The following CLCN7 variants were observed in gnomAD, a reference collection of about 807,000 sequenced individuals.
CLCN7 encodes H(+)/Cl(-) exchange transporter 7.
Under a neutral mutation model 102.1 loss-of-function variants are expected in CLCN7, and 60 were observed. The observed-to-expected ratio is 0.59, with a 90% CI of 0.48 to 0.73. The LOEUF (loss-of-function observed/expected upper bound fraction) is 0.73, where lower values mean the gene tolerates loss of function less well. CLCN7 is among the 30% of genes least tolerant of loss of function. CLCN7 has a pLI of 0.00. For synonymous variants in CLCN7, 560 were observed against 490.5 expected (o/e 1.14, Z -1.87); for missense variants, 962 against 1,125.7 (o/e 0.85, Z 2.08).
At position 1,450,617 on chromosome 16, in the gene CLCN7, G is replaced by C; in HGVS notation, c.1497C>G (p.Phe499Leu). Residue 499 changes from phenylalanine (F) to leucine (L), a missense_variant, in exon 17 of 25, where the codon TTC (phenylalanine) becomes TTG (leucine). Transcript: ENST00000382745. ...TLGLFTLVYF[F>L]LACWTYGLTV... ...TGAGCCCGTAGGTCCAGCAGGCCAGGAAGAAGTAGACCAGCGTGAACAGGC... is the reference window on the plus strand; with the variant it reads ...TGAGCCCGTAGGTCCAGCAGGCCAGCAAGAAGTAGACCAGCGTGAACAGGC... 1.2e-6 allele frequency: 2 copies of C among 1,612,734 alleles called. No individual in the cohort carries two copies. The highest frequency in any genetic ancestry group is 1.7e-6 in the Non-Finnish European group (2 of 1,179,788).
chr16:1,462,665 C>CAAAAAAAAAAAAAAAAAAAAAAAAAAA (rs67969666), intron 2 of CLCN7, among the ~76,000 whole-genome samples: 1 of 36,178 alleles, frequency 2.8e-5, no homozygotes, highest in African/African-American at 7.9e-5. Context: ...AAAAAAAAGC[C>CAAAAAAAAAAAAAAAAAAAAAAAAAAA]AAAAAAAAAA....
intron 1 of CLCN7, among the ~76,000 whole-genome samples, chr16:1,467,410 G>A (rs1052462446): frequency 1.3e-5 from 2 of 152,142 alleles, no homozygotes; most frequent in Admixed American, 6.5e-5. Context: ...CCTGCCACAC[G>A]GGCTGACGGT....
At position 1,448,977 on chromosome 16, in the gene CLCN7, C is replaced by A; in HGVS notation, c.1786G>T (p.Val596Phe). The A allele has an allele frequency of 6.2e-7, 1 of 1,612,636 alleles. No homozygotes were observed. Among genetic ancestry groups the A allele is most frequent in the Non-Finnish European group, 8.5e-7 (1 of 1,180,002 alleles). Residue 596 changes from valine to phenylalanine, a missense_variant, in exon 19 of 25, where the codon GTC becomes TTC. This residue lies in a region of CLCN7 where 799 missense variants were observed against 988.0 expected (regional missense o/e 0.81). Coordinates refer to ENST00000382745, the MANE Select transcript of CLCN7 (RefSeq NM_001287.6). ...VLMTAKIVGD[V>F]FIEGLYDMHI... ...AGGCCCTGGCGCACCTCAATGAAGA[C>A]GTCGCCCACGATCTTGGCGGTCATG... is the stretch of plus-strand genomic sequence containing the variant.
chr16:1,459,947 A>G (rs34098900), intron 6 of CLCN7, among the ~76,000 whole-genome samples: 2 of 114,510 alleles, frequency 1.7e-5, no homozygotes, highest in Non-Finnish European at 3.8e-5. Flanking sequence ...AGGGGAGAGC[A>G]GCACACACTT....
chr16:1,455,389 G>A, intron 11 of CLCN7, 139 bp from the exon 12 acceptor site: 1 of 759,528 alleles, frequency 1.3e-6, no homozygotes. Context: ...GAAGGGAAGG[G>A]GCTGGAGCCA....
At chr16:1,450,739 G>GA in intron 16 of CLCN7, 73 bp from the exon 17 acceptor site, 3 of 1,314,796 alleles carry the variant, frequency 2.3e-6, no homozygotes, top group Admixed American at 2.5e-5. Context: ...CCGCTGCCCA[G>GA]TCTCGGGCCT....
At chr16:1,473,653 G>C (rs2039109854) in intron 1 of CLCN7, among the ~76,000 whole-genome samples, 1 of 151,792 alleles carries the variant, frequency 6.6e-6, no homozygotes, top group Non-Finnish European at 1.5e-5. Flanking sequence ...GATTACAGAT[G>C]TGAGCCACCG....
rs2142390300 is a variant in CLCN7, at chr16:1,461,629, CGTT to C, written c.256_258del (p.Asn86del). On this transcript the variant is annotated inframe_deletion, in exon 3 of 25. Transcript: ENST00000382745. Reference sequence around the variant, plus strand: ...TCATACTTGAGGGACAGGAGCTTCTCGTTGTGTGGGATCTCCTTGGGGAAGGGA... The same window carrying C: ...TCATACTTGAGGGACAGGAGCTTCTCGTGTGGGATCTCCTTGGGGAAGGGA... The C allele has an allele frequency of 6.2e-7, 1 of 1,614,022 alleles. No homozygotes were observed. The highest frequency in any genetic ancestry group is 2.2e-5 in the East Asian group (1 of 44,874).
At chr16:1,467,236 T>A (rs1275546901) in intron 1 of CLCN7, among the ~76,000 whole-genome samples, 1 of 152,118 alleles carries the variant, frequency 6.6e-6, no homozygotes, top group African/African-American at 2.4e-5. Flanking sequence ...TGCCGTGGCA[T>A]CTCCACGCCC....
At chr16:1,449,252 C>A (rs1194693806) in intron 18 of CLCN7, 24 bp downstream of exon 18, 1 of 1,577,138 alleles carries the variant, frequency 6.3e-7, no homozygotes, top group Non-Finnish European at 8.6e-7. Flanking sequence ...GCTCCCCACC[C>A]ATCGGGCAAG....
At chr16:1,448,535 CAGTT>C in intron 20 of CLCN7, 51 bp from the exon 21 acceptor site, 2 of 1,603,884 alleles carry the variant, frequency 1.2e-6, no homozygotes, top group Non-Finnish European at 1.7e-6. Flanking sequence ...CCAACTCCCA[CAGTT>C]ACCTCTGCGG....
At position 1,466,671 on chromosome 16, in the gene CLCN7, G is replaced by A. The variant is rs934734642; in HGVS notation, c.142-1333C>T. ...ACTGCCTTCAGAACCAGACCTTCCC[G>A]GCGGGGTACAGTGGCTCATGCCTGT... On this transcript the variant is annotated intron_variant, in intron 1 of 24. Transcript: ENST00000382745. The A allele has an allele frequency of 3.3e-5, 5 of 152,220 alleles. No individual in the cohort carries two copies. The South Asian group carries it at 6.2e-4, about 19-fold the overall frequency. 9.4% of individuals were successfully genotyped at this position (152,220 alleles called of 1,614,324 possible).
At chr16:1,459,351 C>A (rs1170305132) in intron 6 of CLCN7, 164 bp from the exon 7 acceptor site, 1 of 584,702 alleles carries the variant, frequency 1.7e-6, no homozygotes. Context: ...AAGGGAAGAG[C>A]AGCACACACG....
chr16:1,450,742 T>TA, intron 16 of CLCN7, 76 bp from the exon 17 acceptor site: 1 of 1,218,272 alleles, frequency 8.2e-7, no homozygotes, highest in Non-Finnish European at 1.1e-6. Flanking sequence ...CTGCCCAGTC[T>TA]CGGGCCTCAC....
chr16:1,455,403 G>T (rs1267785989), intron 11 of CLCN7, 153 bp from the exon 12 acceptor site: 4 of 729,246 alleles, frequency 5.5e-6, no homozygotes, highest in Non-Finnish European at 9.9e-6. Flanking sequence ...GGAGCCAGGG[G>T]TGGGCGCACT....
chr16:1,473,106 G>C (rs953489657), intron 1 of CLCN7, among the ~76,000 whole-genome samples: 11 of 149,694 alleles, frequency 7.3e-5, no homozygotes, highest in African/African-American at 2.7e-4. Flanking sequence ...CACACACACA[G>C]AGGCATACAC....
At chr16:1,465,189 C>A in intron 2 of CLCN7, 78 bp downstream of exon 2, 1 of 1,410,756 alleles carries the variant, frequency 7.1e-7, no homozygotes, top group Non-Finnish European at 1.0e-6. Flanking sequence ...CCCTGCCGCT[C>A]GGCCCGTGCC....
chr16:1,447,706 C>A lies in CLCN7; in HGVS notation c.2022G>T (p.Arg674=). The change falls in exon 22 of 25, where the codon CGG becomes CGT. Residue 674 remains arginine (R), a synonymous_variant. Transcript: ENST00000382745. ...VEHADDTQPA[R]LQGLILRSQL... is the part of the protein sequence containing the mutation. ...GGGAGCGCAGGATCAGGCCCTGGAG[C>A]CGGGCAGGCTGCAAGACAGGCCCGC... 3 of 1,554,018 alleles carry A rather than the reference C, an allele frequency of 1.9e-6. No homozygotes were observed.
At chr16:1,459,889 G>A (rs2038904987) in intron 6 of CLCN7, among the ~76,000 whole-genome samples, 1 of 130,500 alleles carries the variant, frequency 7.7e-6, no homozygotes, top group Non-Finnish European at 1.7e-5. Context: ...CACACATGTC[G>A]GGGCCTCAGG....
Sources: gnomAD v4.1 joint callset for allele counts (sites outside exome capture counted in the v4.1 genomes callset) on GRCh38, gnomAD v4.1.1 for gene constraint, gnomAD v4.1.1 regional missense constraint, MANE v1.5 for transcripts, NCBI Gene and HGNC (gene_info 2026-07-23, HGNC 2026-07-21) for gene names.